Variants in CCDC149 observed in about 807,000 individuals in gnomAD.
The protein encoded by CCDC149 is coiled-coil domain containing 149, also known as coiled-coil domain-containing protein 149.
In CCDC149, 45 loss-of-function variants were observed where a neutral mutation model predicts 59.9. The observed-to-expected ratio is 0.75, with a 90% CI of 0.59 to 0.96. The LOEUF is 0.96. Ranked by LOEUF, CCDC149 falls within the 40% of genes least tolerant of loss-of-function variation. The pLI is 0.00. For synonymous variants in CCDC149, 245 were observed against 260.6 expected (o/e 0.94, Z 0.58); for missense variants, 584 against 664.7 (o/e 0.88, Z 1.33).
intron 1 of CCDC149, among the ~76,000 whole-genome samples, chr4:24,932,118 A>G (rs984106621): frequency 5.3e-5 from 8 of 151,948 alleles, no homozygotes; most frequent in Non-Finnish European, 1.0e-4. Context: ...ATTATATTAT[A>G]TTGTGGCTTC....
intron 3 of CCDC149, among the ~76,000 whole-genome samples, chr4:24,869,477 G>A (rs951386614): frequency 2.0e-5 from 3 of 152,164 alleles, no homozygotes; most frequent in Non-Finnish European, 4.4e-5. Context: ...CCTGTCTTTG[G>A]AGCAAGCTAC....
intron 12 of CCDC149, among the ~76,000 whole-genome samples, chr4:24,815,791 T>A (rs528498326): frequency 6.6e-6 from 1 of 152,316 alleles, no homozygotes; most frequent in East Asian, 1.9e-4. Flanking sequence ...TCTCTTTTAA[T>A]ATGGGAAACC....
At chr4:24,875,652 G>A (rs1435076377) in intron 2 of CCDC149, among the ~76,000 whole-genome samples, 1 of 152,066 alleles carries the variant, frequency 6.6e-6, no homozygotes, top group African/African-American at 2.4e-5. Context: ...CTCTCTGCAA[G>A]GATGGCAATG....
rs746774728 is a variant in CCDC149, at chr4:24,836,531, A to G, written c.663-23T>C. Reference sequence around the variant, plus strand: ...TACCTGAAAAAGAATACATAAAACTAGGAGGTGTTTAAGGGCTAAATAAAA... The same window carrying G: ...TACCTGAAAAAGAATACATAAAACTGGGAGGTGTTTAAGGGCTAAATAAAA... On this transcript the variant is annotated intron_variant, in intron 6 of 12. Coordinates refer to ENST00000635206, the MANE Select transcript of CCDC149 (RefSeq NM_001330643.2). The G allele has an allele frequency of 1.0e-5, 16 of 1,537,720 alleles. No homozygotes were observed. In the South Asian group the frequency reaches 1.6e-4, roughly 15 times the overall value.
intron 1 of CCDC149, among the ~76,000 whole-genome samples, chr4:24,884,190 G>A (rs959117220): frequency 4.6e-5 from 7 of 152,152 alleles, no homozygotes; most frequent in Admixed American, 3.9e-4. Flanking sequence ...CATGTACAAC[G>A]GTGGTCCCGT....
chr4:24,968,134 G>A (rs1017641321), intron 1 of CCDC149, among the ~76,000 whole-genome samples: 1 of 152,230 alleles, frequency 6.6e-6, no homozygotes, highest in Non-Finnish European at 1.5e-5. Context: ...TCGTTGACCA[G>A]GGGCTCCCAT....
intron 3 of CCDC149, among the ~76,000 whole-genome samples, chr4:24,861,263 GCA>G (rs35082191): frequency 1.3e-5 from 2 of 148,466 alleles, no homozygotes; most frequent in Non-Finnish European, 1.5e-5. Flanking sequence ...ATATATATAT[GCA>G]CACACACACA....
chr4:24,822,198 A>G (rs1354698370), intron 10 of CCDC149, among the ~76,000 whole-genome samples: 1 of 152,120 alleles, frequency 6.6e-6, no homozygotes, highest in Non-Finnish European at 1.5e-5. Flanking sequence ...CTACATTCAC[A>G]AAAGTTAAAA....
At position 24,808,515 on chromosome 4, in the gene CCDC149, C is replaced by T; in HGVS notation, c.1497G>A (p.Gln499=). Residue 499 remains glutamine (Q), a synonymous_variant, in exon 13 of 13, where the codon CAG becomes CAA. Coordinates refer to ENST00000635206, the MANE Select transcript of CCDC149 (RefSeq NM_001330643.2). ...CCAGGTGAGATTTAGGGAGCTCCCCCTGGATGGCCAGGCCTGGCGGGGCTG... is the reference window on the plus strand; with the variant it reads ...CCAGGTGAGATTTAGGGAGCTCCCCTTGGATGGCCAGGCCTGGCGGGGCTG... The T allele has an allele frequency of 6.5e-7, 1 of 1,533,506 alleles. No homozygotes were observed. The allele number at this position is 1,533,506 out of a possible 1,614,324, so 95.0% of individuals were successfully genotyped here.
Position 24,876,671 on chromosome 4 carries a change from C to G in CCDC149, c.90G>C (p.Glu30Asp). ...GGATCAGCAGGGCTTCCTTCTTACT[C>G]TCCAGCTTCCTCTTACACACCAGGT... is the stretch of plus-strand genomic sequence containing the variant. The change falls in exon 2 of 13, where the codon GAG becomes GAC. Residue 30 changes from glutamate (E) to aspartate (D), a missense_variant. Glu to Asp is a conservative substitution (Grantham distance 45). Transcript: ENST00000635206. 5.0e-6 allele frequency: 8 copies of G among 1,613,358 alleles called. No homozygotes were observed. Among genetic ancestry groups the G allele is most frequent in the Non-Finnish European group, 6.8e-6 (8 of 1,179,716 alleles).
intron 9 of CCDC149, chr4:24,827,215 C>T (rs1715808012): frequency 6.6e-6 from 1 of 152,206 alleles, no homozygotes; most frequent in Non-Finnish European, 1.5e-5. Flanking sequence ...GCAGGAATAC[C>T]AGAGTGAAGG....
At chr4:24,813,756 GTTTAAAAGT>G (rs1714828390) in intron 12 of CCDC149, among the ~76,000 whole-genome samples, 1 of 151,986 alleles carries the variant, frequency 6.6e-6, no homozygotes, top group Admixed American at 6.6e-5. Flanking sequence ...TTAATCAAAT[GTTTAAAAGT>G]TTTAAAATGA....
upstream of CCDC149, among the ~76,000 whole-genome samples, chr4:24,913,291 A>T (rs1489452065): frequency 6.6e-6 from 1 of 152,054 alleles, no homozygotes; most frequent in East Asian, 1.9e-4. Context: ...GCAAATCCCC[A>T]AATCCAGTCC....
intron 4 of CCDC149, among the ~76,000 whole-genome samples, chr4:24,839,813 T>C (rs902021313): frequency 7.9e-5 from 12 of 152,162 alleles, no homozygotes; most frequent in African/African-American, 1.7e-4. Context: ...GTTTCTTTTA[T>C]GGAGGTTTTA....
chr4:24,892,255 T>C (rs141483246), intron 1 of CCDC149, among the ~76,000 whole-genome samples: 152 of 152,296 alleles, frequency 1.0e-3, no homozygotes, highest in African/African-American at 3.5e-3. Context: ...AGGAAATCCA[T>C]TGCTTGCTGA....
At chr4:24,899,138 G>A (rs1177287543) in intron 1 of CCDC149, among the ~76,000 whole-genome samples, 1 of 152,186 alleles carries the variant, frequency 6.6e-6, no homozygotes, top group Admixed American at 6.5e-5. Flanking sequence ...CCAGGGAGAG[G>A]GGTTGAGAAT....
intron 1 of CCDC149, among the ~76,000 whole-genome samples, chr4:24,924,465 G>A (rs115367274): frequency 3.2e-3 from 488 of 152,298 alleles, no homozygotes; most frequent in African/African-American, 0.011. Flanking sequence ...GAAGCATGAG[G>A]CCTCAGCTGA....
chr4:24,944,114 G>A lies in CCDC149; in HGVS notation c.-65+35955C>T, dbSNP rs1328777848. ...ACACATGCACACGTATGTTTATTGC[G>A]GCACTATTCACAATAACAAAGACTT... is the stretch of plus-strand genomic sequence containing the variant. On this transcript the variant is annotated intron_variant, in intron 1 of 12. Coordinates refer to the CCDC149 transcript ENST00000389609. 3.9e-5 allele frequency among the ~76,000 whole-genome samples: 6 copies of A among 152,082 alleles called. No individual in the cohort carries two copies. The East Asian group carries it at 5.8e-4, about 15-fold the overall frequency.
At chr4:24,826,687 T>C (rs1715765627) in intron 9 of CCDC149, among the ~76,000 whole-genome samples, 2 of 152,162 alleles carry the variant, frequency 1.3e-5, no homozygotes, top group Non-Finnish European at 2.9e-5. Context: ...CAATATTGTC[T>C]TATTCTAGAA....
Sources: gnomAD v4.1 joint callset for allele counts (sites outside exome capture counted in the v4.1 genomes callset) on GRCh38, gnomAD v4.1.1 for gene constraint, MANE v1.5 for transcripts, NCBI Gene and HGNC (gene_info 2026-07-23, HGNC 2026-07-21) for gene names.